PCDHGB1: variants seen among roughly 807,000 people sequenced by gnomAD.
PCDHGB1 encodes protocadherin gamma subfamily B, 1.
In PCDHGB1, 34 loss-of-function variants were observed where a neutral mutation model predicts 56.6. The observed-to-expected ratio is 0.60, with a 90% CI of 0.46 to 0.80. The LOEUF is 0.80. Among genes scored for constraint, PCDHGB1 ranks in the 30% least tolerant of loss-of-function variants. The probability of loss-of-function intolerance (pLI) is 0.00; values close to 1 mark genes in which losing one functional copy is unlikely to be tolerated. For synonymous variants in PCDHGB1, 561 were observed against 505.9 expected (o/e 1.11, Z -1.46); for missense variants, 1,278 against 1,204.6 (o/e 1.06, Z -0.90).
At chr5:141,397,462 G>A (rs1415733475) in intron 1 of PCDHGB1, among the ~76,000 whole-genome samples, 1 of 152,152 alleles carries the variant, frequency 6.6e-6, no homozygotes, top group Non-Finnish European at 1.5e-5. Context: ...TAGAAATATT[G>A]GGGAGTTGGA....
In PCDHGB1 at chr5:141,477,200, C is replaced by A; in HGVS notation, c.2410-17607C>A. On this transcript the variant is annotated intron_variant, in intron 1 of 3. Transcript: ENST00000523390. The surrounding 1 kb of genome is among the most constrained non-coding windows in gnomAD (Gnocchi z 4.9). The stretch of plus-strand genomic sequence containing the variant: ...AGTCACCTCCGTGTACAGCCCAGTA[C>A]CCGAGGATGCCCCTCTGGGGACTGT... 6.2e-7 allele frequency: 1 copy of A among 1,614,206 alleles called. No homozygotes were observed. Among genetic ancestry groups the A allele is most frequent in the South Asian group, 1.1e-5 (1 of 91,088 alleles).
chr5:141,488,113 T>C (rs1053996929), intron 1 of PCDHGB1, among the ~76,000 whole-genome samples: 1 of 152,084 alleles, frequency 6.6e-6, no homozygotes, highest in African/African-American at 2.4e-5. Flanking sequence ...ATTTGAAACA[T>C]AGAGACAGCA....
At chr5:141,355,170 G>C (rs200043254) in intron 1 of PCDHGB1, 12 of 1,569,662 alleles carry the variant, frequency 7.6e-6, no homozygotes, top group African/African-American at 2.7e-5. Context: ...AGGGAAAACC[G>C]AAGCACAGGC....
intron 1 of PCDHGB1, chr5:141,374,302 GC>G: frequency 6.2e-7 from 1 of 1,613,984 alleles, no homozygotes; most frequent in Non-Finnish European, 8.5e-7. Flanking sequence ...GTAGGATGCA[GC>G]TTTTCTCTCT....
chr5:141,395,096 C>T (rs769366827), intron 1 of PCDHGB1: 4 of 1,614,068 alleles, frequency 2.5e-6, no homozygotes, highest in African/African-American at 2.7e-5. Flanking sequence ...CCCTCACCGC[C>T]GACTCGCGGA....
intron 1 of PCDHGB1, chr5:141,430,828 G>C (rs760402028): frequency 1.3e-6 from 2 of 1,554,030 alleles, no homozygotes; most frequent in East Asian, 2.2e-5. Context: ...TGGGGACTCT[G>C]TGGGAGACCG....
intron 1 of PCDHGB1, among the ~76,000 whole-genome samples, chr5:141,386,342 A>C (rs1000567568): frequency 2.0e-5 from 3 of 152,226 alleles, no homozygotes; most frequent in Non-Finnish European, 2.9e-5. Context: ...GGGGTGGATG[A>C]CAAGGTAATC....
chr5:141,460,157 C>T (rs1388985005), intron 1 of PCDHGB1, among the ~76,000 whole-genome samples: 1 of 151,968 alleles, frequency 6.6e-6, no homozygotes, highest in Admixed American at 6.6e-5. Context: ...CTCTTTGTCA[C>T]ATACATATTT....
intron 1 of PCDHGB1, chr5:141,410,343 G>A (rs890241182): frequency 6.2e-7 from 1 of 1,613,964 alleles, no homozygotes; most frequent in Non-Finnish European, 8.5e-7. Flanking sequence ...ATTGCCTTGC[G>A]CCTGCGACGC....
intron 3 of PCDHGB1, among the ~76,000 whole-genome samples, chr5:141,508,528 C>T (rs2099869454): frequency 6.6e-6 from 1 of 152,186 alleles, no homozygotes; most frequent in Admixed American, 6.5e-5. Context: ...AACCTCAGGG[C>T]ACCCCCCACG....
At chr5:141,418,803 A>G (rs1358411126) in intron 1 of PCDHGB1, 1 of 1,613,894 alleles carries the variant, frequency 6.2e-7, no homozygotes, top group Non-Finnish European at 8.5e-7. Context: ...GTAGAAAGAT[A>G]TACGATAAAC....
In PCDHGB1 at chr5:141,494,836, C is replaced by G. The variant is rs1016713543; in HGVS notation, c.2439C>G (p.Phe813Leu). ...CCCCGCCCAACACGGACTGGCGTTT[C>G]TCTCAGGCCCAGAGACCCGGCACCA... ...HQAPPNTDWR[F>L]SQAQRPGTSG... The change falls in exon 2 of 4, where the codon TTC (phenylalanine) becomes TTG (leucine). Residue 813 changes from phenylalanine (F) to leucine (L), a missense_variant. Phe to Leu is a conservative substitution (Grantham distance 22, BLOSUM62 0). Coordinates refer to ENST00000523390, the MANE Select transcript of PCDHGB1 (RefSeq NM_018922.3). 1.9e-6 allele frequency: 3 copies of G among 1,614,054 alleles called. No individual in the cohort carries two copies. The highest frequency in any genetic ancestry group is 2.7e-5 in the African/African-American group (2 of 74,932).
At chr5:141,422,459 T>C (rs1368153179) in intron 1 of PCDHGB1, 1 of 1,613,448 alleles carries the variant, frequency 6.2e-7, no homozygotes, top group South Asian at 1.1e-5. Context: ...AGCAGAGTGC[T>C]GGACAGGGAG....
chr5:141,456,463 G>A (rs1195450847), intron 1 of PCDHGB1, among the ~76,000 whole-genome samples: 1 of 152,122 alleles, frequency 6.6e-6, no homozygotes, highest in Non-Finnish European at 1.5e-5. Context: ...ATCAATACAA[G>A]ACATATAAGC....
At chr5:141,410,100 G>A in intron 1 of PCDHGB1, 1 of 1,612,736 alleles carries the variant, frequency 6.2e-7, no homozygotes, top group Non-Finnish European at 8.5e-7. Context: ...CGAGCCTTAG[G>A]CGACAGGGAC....
chr5:141,373,266 C>T (rs894393733), intron 1 of PCDHGB1, among the ~76,000 whole-genome samples: 1 of 152,300 alleles, frequency 6.6e-6, no homozygotes, highest in Non-Finnish European at 1.5e-5. Context: ...TAAAAGTATA[C>T]ACAGATGTTG....
At chr5:141,380,404 C>T (rs972826552) in intron 1 of PCDHGB1, among the ~76,000 whole-genome samples, 3 of 152,146 alleles carry the variant, frequency 2.0e-5, no homozygotes, top group Middle Eastern at 6.3e-3. Flanking sequence ...ATAATCAATT[C>T]GATGCCCAGG....
At chr5:141,355,148 A>G in intron 1 of PCDHGB1, 1 of 1,533,998 alleles carries the variant, frequency 6.5e-7, no homozygotes, top group Non-Finnish European at 8.7e-7. Context: ...GGGGCTCCTC[A>G]GGCCTCGACA....
At chr5:141,413,318 T>C in intron 1 of PCDHGB1, 1 of 1,613,968 alleles carries the variant, frequency 6.2e-7, no homozygotes, top group Non-Finnish European at 8.5e-7. Flanking sequence ...AAAGGCTCTT[T>C]CGTGGGCAAC....
Sources: gnomAD v4.1 joint callset for allele counts (sites outside exome capture counted in the v4.1 genomes callset) on GRCh38, gnomAD v4.1.1 for gene constraint, Gnocchi (gnomAD v3.1) non-coding constraint, MANE v1.5 for transcripts, NCBI Gene and HGNC (gene_info 2026-07-23, HGNC 2026-07-21) for gene names.